Variants in ARHGAP28 observed in about 807,000 individuals in gnomAD.
ARHGAP28 encodes Rho GTPase activating protein 28, also known as rho GTPase-activating protein 28.
ARHGAP28 carries 56 observed loss-of-function variants against 90.7 expected under a neutral mutation model. The observed-to-expected ratio is 0.62, with a 90% CI of 0.50 to 0.77. ARHGAP28 has a LOEUF of 0.77. Ranked by LOEUF, ARHGAP28 falls within the 30% of genes least tolerant of loss-of-function variation. The probability of loss-of-function intolerance (pLI) is 0.00; values close to 1 mark genes in which losing one functional copy is unlikely to be tolerated. For synonymous variants in ARHGAP28, 308 were observed against 323.3 expected, an observed-to-expected ratio of 0.95 and a Z score of 0.51; for missense variants, 869 against 900.9, an observed-to-expected ratio of 0.96 and a Z score of 0.45.
intron 3 of ARHGAP28, among the ~76,000 whole-genome samples, chr18:6,849,960 C>G (rs2056896898): frequency 6.6e-6 from 1 of 151,984 alleles, no homozygotes; most frequent in Non-Finnish European, 1.5e-5. Context: ...CCTTTCACTG[C>G]TTGGATTAAA....
At chr18:6,894,686 TG>T in intron 14 of ARHGAP28, 148 bp from the exon 15 acceptor site, 1 of 634,288 alleles carries the variant, frequency 1.6e-6, no homozygotes, top group Non-Finnish European at 2.8e-6. Context: ...TGCATAGATG[TG>T]GAGCTGTTGG....
intron 1 of ARHGAP28, among the ~76,000 whole-genome samples, chr18:6,782,590 G>A (rs1230766208): frequency 9.6e-5 from 2 of 20,922 alleles, no homozygotes; most frequent in African/African-American, 2.3e-4. Flanking sequence ...GCTAATTTTT[G>A]TATTTTTTTT....
intron 17 of ARHGAP28, among the ~76,000 whole-genome samples, chr18:6,910,034 G>A (rs950117101): frequency 2.0e-5 from 3 of 151,938 alleles, no homozygotes; most frequent in Non-Finnish European, 2.9e-5. Context: ...CAGTGTCTAC[G>A]CTCCAATTTC....
chr18:6,741,320 T>C (rs2055975509), intron 1 of ARHGAP28, among the ~76,000 whole-genome samples: 1 of 152,174 alleles, frequency 6.6e-6, no homozygotes, highest in Admixed American at 6.5e-5. Flanking sequence ...TTTATAAGGC[T>C]CTGTGATTAC....
chr18:6,815,462 A>G (rs945942393), intron 1 of ARHGAP28, among the ~76,000 whole-genome samples: 15 of 152,196 alleles, frequency 9.9e-5, no homozygotes, highest in African/African-American at 3.6e-4. Context: ...ACATTTTTAA[A>G]TTGAGATACA....
chr18:6,903,698 G>C (rs536449704), intron 16 of ARHGAP28, among the ~76,000 whole-genome samples: 1 of 151,854 alleles, frequency 6.6e-6, no homozygotes, highest in Non-Finnish European at 1.5e-5. Context: ...GAGCGTGGTG[G>C]TGGGCGCCTG....
intron 1 of ARHGAP28, among the ~76,000 whole-genome samples, chr18:6,738,641 G>A (rs572636499): frequency 2.0e-5 from 3 of 152,164 alleles, no homozygotes; most frequent in Admixed American, 6.5e-5. Context: ...TGTGATATTG[G>A]ATTTATTTCT....
At chr18:6,762,158 G>A (rs548163070) in intron 1 of ARHGAP28, among the ~76,000 whole-genome samples, 71 of 152,270 alleles carry the variant, frequency 4.7e-4, no homozygotes, top group Middle Eastern at 6.8e-3. Flanking sequence ...CAAGCTGTCA[G>A]CCTTTCTGGC....
intron 1 of ARHGAP28, among the ~76,000 whole-genome samples, chr18:6,808,624 C>A (rs937379717): frequency 6.6e-6 from 1 of 152,150 alleles, no homozygotes; most frequent in African/African-American, 2.4e-5. Context: ...CTAGCTAGAG[C>A]AAATTTAGCC....
intron 5 of ARHGAP28, among the ~76,000 whole-genome samples, chr18:6,867,744 A>G (rs569913527): frequency 1.1e-4 from 16 of 152,352 alleles, no homozygotes; most frequent in Admixed American, 7.8e-4. Flanking sequence ...ACAAAAATGC[A>G]TGAAGATTAA....
intron 1 of ARHGAP28, among the ~76,000 whole-genome samples, chr18:6,798,571 A>T (rs9807437): frequency 0.25 from 37,988 of 152,070 alleles, 6,477 homozygotes; most frequent in African/African-American, 0.48. Flanking sequence ...AAAAAGCTCA[A>T]TATTCTAGGT....
At position 6,907,279 on chromosome 18, in the gene ARHGAP28, G is replaced by A. The variant is rs75438140; in HGVS notation, c.2031-1681G>A. Among the ~76,000 whole-genome samples, 1,273 of 151,982 alleles carry A rather than the reference G, an allele frequency of 8.4e-3. 14 individuals are homozygous for A. The highest frequency in any genetic ancestry group is 0.029 in the African/African-American group (1,214 of 41,412). ...TTAAAAAACTAAATCTCCAACTGCC[G>A]TATGACCCAGCACTGACACTCCTGG... On this transcript the variant is annotated intron_variant, in intron 16 of 17. Coordinates refer to ENST00000383472, the MANE Select transcript of ARHGAP28 (RefSeq NM_001366230.1).
chr18:6,871,408 G>A (rs890858004), intron 7 of ARHGAP28, among the ~76,000 whole-genome samples: 24 of 152,160 alleles, frequency 1.6e-4, no homozygotes, highest in Admixed American at 3.3e-4. Flanking sequence ...TATCAGAAGA[G>A]GGGACTGCAA....
chr18:6,738,441 G>A (rs1056833445), intron 1 of ARHGAP28, among the ~76,000 whole-genome samples: 14 of 151,972 alleles, frequency 9.2e-5, no homozygotes, highest in Admixed American at 2.0e-4. Context: ...TTCCTATTGA[G>A]TATTCATTTA....
chr18:6,814,952 T>G (rs2056580465), intron 1 of ARHGAP28, among the ~76,000 whole-genome samples: 1 of 152,134 alleles, frequency 6.6e-6, no homozygotes, highest in Non-Finnish European at 1.5e-5. Flanking sequence ...GCTCATATTC[T>G]CTTTCATAGA....
rs763530566 is a variant in ARHGAP28, at chr18:6,851,141, TG to T, written c.636+21del. On this transcript the variant is annotated intron_variant, in intron 4 of 17. Transcript: ENST00000383472. Reference sequence around the variant, plus strand: ...GTGGTTCCATGGTAAGTTATAGTTGTGGGGGGATGGTGGTAGGCATGAAATA... The same window carrying T: ...GTGGTTCCATGGTAAGTTATAGTTGTGGGGGATGGTGGTAGGCATGAAATA... 3.7e-6 allele frequency: 6 copies of T among 1,609,930 alleles called. No homozygotes were observed. In the East Asian group the frequency reaches 8.9e-5, roughly 24 times the overall value.
At position 6,890,050 on chromosome 18, in the gene ARHGAP28, C is replaced by T. The variant is rs751989443; in HGVS notation, c.1699C>T (p.Arg567Cys). 48 of 1,614,054 alleles carry T rather than the reference C, an allele frequency of 3.0e-5. No individual in the cohort carries two copies. The highest frequency in any genetic ancestry group is 1.6e-4 in the Middle Eastern group (1 of 6,084). ...AGCAAACACTGCGGCCCACATCATC[C>T]GCCTAATGCTTAAGTACCAGAAGAT... Reference protein sequence around the residue: ...LLANTAAHIIRLMLKYQKILW... With the variant: ...LLANTAAHIICLMLKYQKILW... Residue 567 changes from arginine (R) to cysteine (C), a missense_variant, in exon 13 of 18, where the codon CGC becomes TGC. Arg to Cys is a radical substitution (Grantham distance 180). Coordinates refer to ENST00000383472, the MANE Select transcript of ARHGAP28 (RefSeq NM_001366230.1).
intron 14 of ARHGAP28, among the ~76,000 whole-genome samples, chr18:6,892,017 T>C (rs903767773): frequency 2.0e-5 from 3 of 152,188 alleles, no homozygotes; most frequent in African/African-American, 7.2e-5. Context: ...ATAATCATGA[T>C]GAAAGACTGT....
chr18:6,729,971 G>A (rs1600132750), intron 1 of ARHGAP28, 28 bp downstream of exon 1: 1 of 1,323,440 alleles, frequency 7.6e-7, no homozygotes, highest in Non-Finnish European at 9.6e-7. Flanking sequence ...CACCAGGGCG[G>A]CGCAGTCGCG....
Sources: allele counts gnomAD v4.1 joint callset (sites outside exome capture counted in the v4.1 genomes callset), GRCh38; gene constraint gnomAD v4.1.1; transcripts MANE v1.5; gene names NCBI Gene and HGNC (gene_info 2026-07-23, HGNC 2026-07-21).